The following ANO2 variants were observed in gnomAD, a reference collection of about 807,000 sequenced individuals.
The protein encoded by ANO2 is anoctamin 2.
ANO2 carries 101 observed loss-of-function variants against 124.2 expected under a neutral mutation model. The ratio of observed to expected loss-of-function variants is 0.81; its 90% confidence interval spans 0.69 to 0.96. ANO2 has a LOEUF of 0.96. ANO2 is among the 40% of genes least tolerant of loss of function. The pLI, the probability that ANO2 is intolerant of heterozygous loss-of-function variation, is 0.00. For synonymous variants in ANO2, 486 were observed against 482.5 expected, an observed-to-expected ratio of 1.01 and a Z score of -0.09; for missense variants, 1,293 against 1,274.5, an observed-to-expected ratio of 1.01 and a Z score of -0.22.
chr12:5,632,506 TC>T (rs1945773852), intron 16 of ANO2, among the ~76,000 whole-genome samples: 2 of 152,082 alleles, frequency 1.3e-5, no homozygotes, highest in African/African-American at 4.8e-5. Flanking sequence ...GGATTTTATC[TC>T]CTTTCCAGGG....
At chr12:5,753,681 T>C (rs1951501260) in intron 10 of ANO2, among the ~76,000 whole-genome samples, 1 of 152,184 alleles carries the variant, frequency 6.6e-6, no homozygotes, top group South Asian at 2.1e-4. Flanking sequence ...TTCTTCTTAG[T>C]TTTCTTTTTA....
chr12:5,606,215 T>C (rs540214464), intron 19 of ANO2, among the ~76,000 whole-genome samples: 2 of 152,300 alleles, frequency 1.3e-5, no homozygotes, highest in African/African-American at 4.8e-5. Flanking sequence ...CTTCCAGAAG[T>C]AGAGGTGGCA....
chr12:5,808,280 A>G (rs1462656931), intron 7 of ANO2, among the ~76,000 whole-genome samples: 1 of 152,240 alleles, frequency 6.6e-6, no homozygotes, highest in Non-Finnish European at 1.5e-5. Context: ...TGTGAAATGA[A>G]CAAATGGCTC....
At chr12:5,814,017 T>C (rs1029087481) in intron 7 of ANO2, among the ~76,000 whole-genome samples, 6 of 152,176 alleles carry the variant, frequency 3.9e-5, no homozygotes, top group Non-Finnish European at 8.8e-5. Context: ...CTTCCAGATA[T>C]ACTCTCTACG....
At chr12:5,863,220 C>T (rs1680641950) in intron 3 of ANO2, among the ~76,000 whole-genome samples, 1 of 152,196 alleles carries the variant, frequency 6.6e-6, no homozygotes, top group African/African-American at 2.4e-5. Flanking sequence ...GAGAGAACCT[C>T]TTCCCCACTC....
intron 3 of ANO2, 42 bp from the exon 4 acceptor site, chr12:5,854,183 G>T (rs763579221): frequency 1.3e-6 from 2 of 1,557,832 alleles, no homozygotes; most frequent in East Asian, 4.5e-5. Flanking sequence ...CACTTGTAAG[G>T]ACATAGCTTA....
chr12:5,764,500 G>A (rs1591588377), intron 10 of ANO2, among the ~76,000 whole-genome samples: 1 of 152,168 alleles, frequency 6.6e-6, no homozygotes, highest in Non-Finnish European at 1.5e-5. Flanking sequence ...ATGCAGAGAC[G>A]AGATTCAAAT....
chr12:5,850,369 T>C (rs894928791), intron 4 of ANO2, among the ~76,000 whole-genome samples: 1 of 143,604 alleles, frequency 7.0e-6, no homozygotes, highest in African/African-American at 2.6e-5. Context: ...TGAGCCGAGA[T>C]TGCACCACTG....
At chr12:5,632,760 A>G (rs1405622982) in intron 16 of ANO2, among the ~76,000 whole-genome samples, 1 of 152,152 alleles carries the variant, frequency 6.6e-6, no homozygotes, top group African/African-American at 2.4e-5. Flanking sequence ...TTTGTCTTTC[A>G]TCTTTATCAC....
chr12:5,901,768 C>T (rs1185845586), intron 3 of ANO2, among the ~76,000 whole-genome samples: 3 of 152,172 alleles, frequency 2.0e-5, no homozygotes, highest in Non-Finnish European at 4.4e-5. Context: ...AAAGGAACTC[C>T]TATTTGCAGA....
chr12:5,786,599 T>A (rs1952547386), intron 10 of ANO2, among the ~76,000 whole-genome samples: 1 of 152,094 alleles, frequency 6.6e-6, no homozygotes, highest in Non-Finnish European at 1.5e-5. Context: ...CCCCCCTCAC[T>A]TAAGGAAACA....
In ANO2 at chr12:5,641,423, G is replaced by A. The variant is rs564772190; in HGVS notation, c.1621-6076C>T. Among the ~76,000 whole-genome samples, 20 of 151,526 alleles carry A rather than the reference G, an allele frequency of 1.3e-4. No individual in the cohort carries two copies. In the East Asian group the frequency reaches 2.9e-3, roughly 22 times the overall value. On this transcript the variant is annotated intron_variant, in intron 15 of 24. Transcript: ENST00000682330. ...AGAAAACTGGGCTTTTTTTTAAGTG[G>A]GAAAAAGAAACGGGGACAAGTTAGT...
At chr12:5,873,632 T>C (rs1357903786) in intron 3 of ANO2, among the ~76,000 whole-genome samples, 1 of 152,248 alleles carries the variant, frequency 6.6e-6, no homozygotes, top group East Asian at 1.9e-4. Flanking sequence ...CTCTGGCTGC[T>C]CTTGCAGTCT....
rs114547498 is a variant in ANO2 at position 5,769,147 on chromosome 12, G to A, written c.1056-18177C>T. On this transcript the variant is annotated intron_variant, in intron 10 of 24. Transcript: ENST00000682330. The surrounding 1 kb of genome is among the most constrained non-coding windows in gnomAD (Gnocchi z 4.0). ...TGCAAGGAGAGGACCCTAGATTTAC[G>A]ACACTCTCCTGTGCTGTGCCACTTT... Among the ~76,000 whole-genome samples the A allele has an allele frequency of 4.2e-3, 635 of 152,212 alleles. 3 individuals carry two copies. Among genetic ancestry groups the A allele is most frequent in the African/African-American group, 0.015 (619 of 41,522 alleles).
At position 5,636,723 on chromosome 12, in the gene ANO2, G is replaced by A. The variant is rs1355485972; in HGVS notation, c.1621-1376C>T. Among the ~76,000 whole-genome samples, 1 of 151,634 alleles carries A rather than the reference G, an allele frequency of 6.6e-6. No individual in the cohort carries two copies. Among genetic ancestry groups the A allele is most frequent in the East Asian group, 1.9e-4 (1 of 5,166 alleles). On this transcript the variant is annotated intron_variant, in intron 15 of 24. Coordinates refer to ENST00000682330, the MANE Select transcript of ANO2 (RefSeq NM_001364791.2). This position sits in a 1 kb window ranked among gnomAD's most constrained non-coding sequence, Gnocchi z 4.6. ...AGAGGCACAGGAGGAAAGGGGAGGGGAAGTGGGGGCCTCTGGCTTGGGCAG... is the reference window on the plus strand; with the variant it reads ...AGAGGCACAGGAGGAAAGGGGAGGGAAAGTGGGGGCCTCTGGCTTGGGCAG...
At chr12:5,829,173 A>G (rs535041343) in intron 6 of ANO2, among the ~76,000 whole-genome samples, 2 of 152,350 alleles carry the variant, frequency 1.3e-5, no homozygotes, top group Non-Finnish European at 2.9e-5. Flanking sequence ...TTCAACAGCA[A>G]TAATAATTAG....
chr12:5,606,491 T>G (rs1449264999), intron 19 of ANO2, among the ~76,000 whole-genome samples: 1 of 152,190 alleles, frequency 6.6e-6, no homozygotes. Flanking sequence ...TAATGGTTTG[T>G]TTTTGTTGTA....
intron 16 of ANO2, among the ~76,000 whole-genome samples, chr12:5,622,050 G>C (rs1036510101): frequency 6.6e-6 from 1 of 152,092 alleles, no homozygotes; most frequent in African/African-American, 2.4e-5. Context: ...GAAAATTTAA[G>C]CCCATGTCAC....
intron 16 of ANO2, among the ~76,000 whole-genome samples, chr12:5,623,253 AG>A (rs1462145305): frequency 6.6e-6 from 1 of 152,020 alleles, no homozygotes; most frequent in Non-Finnish European, 1.5e-5. Flanking sequence ...TAATGGAGAG[AG>A]GGTGAGGAGA....
Sources: gnomAD v4.1 joint callset for allele counts (sites outside exome capture counted in the v4.1 genomes callset) on GRCh38, gnomAD v4.1.1 for gene constraint, Gnocchi (gnomAD v3.1) non-coding constraint, MANE v1.5 for transcripts, NCBI Gene and HGNC (gene_info 2026-07-23, HGNC 2026-07-21) for gene names.